MACROD2: variants seen among roughly 807,000 people sequenced by gnomAD.
MACROD2 encodes the protein ADP-ribose glycohydrolase MACROD2.
In MACROD2, 36 loss-of-function variants were observed where a neutral mutation model predicts 70.4. The observed-to-expected ratio is 0.51, with a 90% CI of 0.39 to 0.68. The LOEUF is 0.68. Ranked by LOEUF, MACROD2 falls within the 30% of genes least tolerant of loss-of-function variation. MACROD2 has a pLI of 0.00. For missense variants in MACROD2, 496 were observed against 538.4 expected (o/e 0.92, Z 0.78); for synonymous variants, 172 against 178.8 (o/e 0.96, Z 0.30).
rs1046973008 is a variant in MACROD2 at position 14,820,537 on chromosome 20, T to G, written c.418+135578T>G. 5.9e-5 allele frequency among the ~76,000 whole-genome samples: 9 copies of G among 152,002 alleles called. No individual in the cohort carries two copies. In the South Asian group the frequency reaches 8.3e-4, roughly 14 times the overall value. On this transcript the variant is annotated intron_variant, in intron 5 of 17. Transcript: ENST00000684519. ...AACTCAAGAAAAGAGAAAAGACAAT[T>G]TCATCACCAGTGTAATTAAGTGAGC...
chr20:15,270,415 TATA>T (rs1347510833), intron 6 of MACROD2, among the ~76,000 whole-genome samples: 2 of 152,052 alleles, frequency 1.3e-5, no homozygotes, highest in Non-Finnish European at 2.9e-5. Flanking sequence ...AAGACAGAAA[TATA>T]ATAATGGAGA....
chr20:14,634,714 G>GA (rs1984691812), intron 4 of MACROD2, among the ~76,000 whole-genome samples: 1 of 152,156 alleles, frequency 6.6e-6, no homozygotes, highest in Non-Finnish European at 1.5e-5. Flanking sequence ...TTTCAATGCT[G>GA]AAGGCTTTTT....
chr20:14,706,801 A>C (rs2071275411), intron 5 of MACROD2, among the ~76,000 whole-genome samples: 1 of 152,104 alleles, frequency 6.6e-6, no homozygotes, highest in African/African-American at 2.4e-5. Context: ...GCCGAGACTG[A>C]AGGGCACAAT....
intron 5 of MACROD2, among the ~76,000 whole-genome samples, chr20:14,817,363 G>C: frequency 6.6e-6 from 1 of 152,126 alleles, no homozygotes; most frequent in East Asian, 1.9e-4. Flanking sequence ...CACAATGCCT[G>C]TTGCCCCTGT....
At chr20:16,013,628 C>T (rs2066892956) in intron 15 of MACROD2, among the ~76,000 whole-genome samples, 1 of 152,196 alleles carries the variant, frequency 6.6e-6, no homozygotes, top group African/African-American at 2.4e-5. Context: ...CTCTGACTCT[C>T]CATGGCCACG....
intron 6 of MACROD2, among the ~76,000 whole-genome samples, chr20:15,360,842 C>T (rs2078343506): frequency 6.6e-6 from 1 of 151,826 alleles, no homozygotes; most frequent in Admixed American, 6.6e-5. Context: ...GTTTAATTTA[C>T]CATCCAAATA....
At chr20:14,092,364 G>T (rs2054162079) in intron 3 of MACROD2, among the ~76,000 whole-genome samples, 1 of 151,970 alleles carries the variant, frequency 6.6e-6, no homozygotes, top group Admixed American at 6.6e-5. Flanking sequence ...AGTGATATTT[G>T]TGAATTTTGG....
At chr20:15,248,503 C>G (rs185318745) in intron 6 of MACROD2, among the ~76,000 whole-genome samples, 12 of 152,212 alleles carry the variant, frequency 7.9e-5, no homozygotes, top group Admixed American at 7.9e-4. Flanking sequence ...CTTTACTTAC[C>G]AGTACCAGTC....
chr20:14,960,294 C>T (rs1330809470), intron 5 of MACROD2, among the ~76,000 whole-genome samples: 2 of 152,204 alleles, frequency 1.3e-5, no homozygotes, highest in African/African-American at 2.4e-5. Flanking sequence ...GGAGCTACCA[C>T]TCCCTGGATG....
At chr20:14,713,260 A>C (rs1473882542) in intron 5 of MACROD2, among the ~76,000 whole-genome samples, 2 of 152,212 alleles carry the variant, frequency 1.3e-5, no homozygotes, top group African/African-American at 2.4e-5. Context: ...GATTTGTATC[A>C]TATCTTTACA....
intron 3 of MACROD2, 70 bp from the exon 4 acceptor site, chr20:14,493,408 GA>G: frequency 7.7e-7 from 1 of 1,299,922 alleles, no homozygotes; most frequent in African/African-American, 1.5e-5. Flanking sequence ...GCTTTATCTT[GA>G]ATTACTCTGA....
intron 2 of MACROD2, among the ~76,000 whole-genome samples, chr20:14,058,141 A>G (rs1051817835): frequency 1.3e-5 from 2 of 152,118 alleles, no homozygotes; most frequent in Non-Finnish European, 2.9e-5. Flanking sequence ...TTACATGGGT[A>G]TACTGACCTT....
At chr20:14,758,913 G>C (rs944322687) in intron 5 of MACROD2, among the ~76,000 whole-genome samples, 10 of 151,862 alleles carry the variant, frequency 6.6e-5, no homozygotes, top group African/African-American at 2.4e-4. Context: ...CCAAATATGG[G>C]GGCCCACTTA....
Position 15,742,303 on chromosome 20 carries a change from A to T in MACROD2, c.646-120442A>T, listed in dbSNP as rs906005275. On this transcript the variant is annotated intron_variant, in intron 8 of 17. Transcript: ENST00000684519. ...ATGCTGTGAGATCCAAGAAATCTTA[A>T]CTGCCATTAAGCTGTCTACAGAAGC... 3.9e-5 allele frequency among the ~76,000 whole-genome samples: 6 copies of T among 152,290 alleles called. No homozygotes were observed. In the East Asian group the frequency reaches 1.2e-3, roughly 29 times the overall value.
intron 2 of MACROD2, chr20:14,053,503 T>C (rs2053595730): frequency 6.6e-6 from 1 of 152,144 alleles, no homozygotes; most frequent in Non-Finnish European, 1.5e-5. Flanking sequence ...TGAATGAAGG[T>C]ACTTTTGCTT....
rs539440154 is a variant in MACROD2, at chr20:16,038,953, G to A, written c.1154-2248G>A. Among the ~76,000 whole-genome samples the A allele has an allele frequency of 3.3e-5, 5 of 151,954 alleles. No individual in the cohort carries two copies. The South Asian group carries it at 1.0e-3, about 32-fold the overall frequency. On this transcript the variant is annotated intron_variant, in intron 15 of 17. Transcript: ENST00000684519. ...GATGGTCTATTTCAAGTTCATGCTTGTCCCCAGGATATAACCCTTCAGGGT... is the reference window on the plus strand; with the variant it reads ...GATGGTCTATTTCAAGTTCATGCTTATCCCCAGGATATAACCCTTCAGGGT...
In MACROD2 at chr20:14,911,875, C is replaced by T. The variant is rs141500212; in HGVS notation, c.418+226916C>T. On this transcript the variant is annotated intron_variant, in intron 5 of 17. Transcript: ENST00000684519. Reference sequence around the variant, plus strand: ...TACAGATGGGGAAACTGAGGCATGACGAAGTCTAATTTTTCTGAAATTACA... The same window carrying T: ...TACAGATGGGGAAACTGAGGCATGATGAAGTCTAATTTTTCTGAAATTACA... Among the ~76,000 whole-genome samples, 73 of 152,110 alleles carry T rather than the reference C, an allele frequency of 4.8e-4. 1 individual carries two copies. The highest frequency in any genetic ancestry group is 1.1e-3 in the African/African-American group (45 of 41,506).
intron 3 of MACROD2, among the ~76,000 whole-genome samples, chr20:14,368,483 C>G (rs2083292486): frequency 6.6e-6 from 1 of 151,306 alleles, no homozygotes; most frequent in Non-Finnish European, 1.5e-5. Flanking sequence ...GCAGAGCTTG[C>G]AATGAGCCGA....
chr20:14,547,437 C>G (rs2085504064), intron 4 of MACROD2: 1 of 214,372 alleles, frequency 4.7e-6, no homozygotes, highest in Non-Finnish European at 1.1e-5. Context: ...AAGGCTTATT[C>G]TTTGAGCTGT....
Sources: gnomAD v4.1 joint callset for allele counts (sites outside exome capture counted in the v4.1 genomes callset) on GRCh38, gnomAD v4.1.1 for gene constraint, MANE v1.5 for transcripts, NCBI Gene and HGNC (gene_info 2026-07-23, HGNC 2026-07-21) for gene names.